Variants in IQCB1 observed in about 807,000 individuals in gnomAD.
The protein encoded by IQCB1 is IQ calmodulin-binding motif-containing protein 1.
Under a neutral mutation model 84.4 loss-of-function variants are expected in IQCB1, and 56 were observed. That is an observed-to-expected ratio of 0.66 (90% CI 0.54 to 0.83). The LOEUF is 0.83. Among genes scored for constraint, IQCB1 ranks in the 40% least tolerant of loss-of-function variants. The probability of loss-of-function intolerance (pLI) is 0.00; values close to 1 mark genes in which losing one functional copy is unlikely to be tolerated. For synonymous variants in IQCB1, 210 were observed against 234.8 expected (o/e 0.89, Z 0.96); for missense variants, 629 against 682.1 (o/e 0.92, Z 0.87).
intron 5 of IQCB1, among the ~76,000 whole-genome samples, chr3:121,811,664 A>T (rs1185593954): frequency 6.6e-6 from 1 of 152,120 alleles, no homozygotes; most frequent in Non-Finnish European, 1.5e-5. Context: ...GGAAGTTTGG[A>T]CTGGGTGGAA....
At chr3:121,791,430 C>G (rs1948965550) in intron 10 of IQCB1, among the ~76,000 whole-genome samples, 1 of 152,182 alleles carries the variant, frequency 6.6e-6, no homozygotes, top group South Asian at 2.1e-4. Context: ...TAAATTTTCT[C>G]TAGCTTTCTA....
chr3:121,771,833 A>G (rs1038774985), intron 14 of IQCB1, among the ~76,000 whole-genome samples: 1 of 152,210 alleles, frequency 6.6e-6, no homozygotes, highest in Non-Finnish European at 1.5e-5. Context: ...GGGATCTCTC[A>G]TTAAATGGAT....
Position 121,799,180 on chromosome 3 carries a change from A to G in IQCB1, c.766+16T>C. 1 of 1,588,318 alleles carries G rather than the reference A, an allele frequency of 6.3e-7. No individual in the cohort carries two copies. Among genetic ancestry groups the G allele is most frequent in the South Asian group, 1.1e-5 (1 of 89,302 alleles). ...CTTTTTGAGAATCCCAAGAAAAGAA[A>G]GAATGAATGTACTACCTTTGTAGCA... On this transcript the variant is annotated intron_variant, in intron 8 of 14. Transcript: ENST00000310864.
chr3:121,828,716 T>A, intron 3 of IQCB1, 84 bp from the exon 4 acceptor site: 1 of 1,084,060 alleles, frequency 9.2e-7, no homozygotes, highest in Non-Finnish European at 1.4e-6. Context: ...GAATAATCAC[T>A]AAAAATATAT....
chr3:121,807,389 C>G lies in IQCB1; in HGVS notation c.542G>C (p.Gly181Ala), dbSNP rs765457236. 6.3e-7 allele frequency: 1 copy of G among 1,583,998 alleles called. No homozygotes were observed. The highest frequency in any genetic ancestry group is 1.1e-5 in the South Asian group (1 of 90,344). ...HLLQADNVQI[G>A]SAVMMMLQNI... is the part of the protein sequence containing the mutation. ...CTGTAGCATCATCATGACTGCAGAT[C>G]CTATTTGGACATTGTCAGCTTGCAG... Residue 181 changes from glycine to alanine, a missense_variant, in exon 7 of 15, where the codon GGA becomes GCA. Transcript: ENST00000310864.
Position 121,799,219 on chromosome 3 carries a change from A to T in IQCB1, c.743T>A (p.Leu248Gln). The change falls in exon 8 of 15, where the codon CTG becomes CAG. Residue 248 changes from leucine to glutamine, a missense_variant. By Grantham distance (113) the Leu-to-Gln change is moderately radical. Coordinates refer to ENST00000310864, the MANE Select transcript of IQCB1 (RefSeq NM_001023570.4). ...AESHQEILIL[L>Q]RQSTCYKGLR... ...ACCTTTGTAGCAGGTACTTTGTCTCAGTAAAATCAAAATTTCCTGATGGGA... is the reference window on the plus strand; with the variant it reads ...ACCTTTGTAGCAGGTACTTTGTCTCTGTAAAATCAAAATTTCCTGATGGGA... 1 of 1,610,194 alleles carries T rather than the reference A, an allele frequency of 6.2e-7. No homozygotes were observed. Among genetic ancestry groups the T allele is most frequent in the South Asian group, 1.1e-5 (1 of 90,916 alleles).
intron 1 of IQCB1, among the ~76,000 whole-genome samples, chr3:121,834,742 T>C (rs1708169519): frequency 6.6e-6 from 1 of 152,226 alleles, no homozygotes; most frequent in African/African-American, 2.4e-5. Flanking sequence ...GCTTTCGCGC[T>C]ACCAGGCCTT....
intron 5 of IQCB1, among the ~76,000 whole-genome samples, chr3:121,822,588 A>G (rs1950315161): frequency 6.6e-6 from 1 of 152,196 alleles, no homozygotes. Flanking sequence ...AATTACCAGC[A>G]ATTTCATCTT....
chr3:121,822,248 A>C (rs1019273714), intron 5 of IQCB1, among the ~76,000 whole-genome samples: 8 of 152,200 alleles, frequency 5.3e-5, no homozygotes, highest in Non-Finnish European at 1.0e-4. Flanking sequence ...AATTCCTTAT[A>C]ATCAAGCACT....
At chr3:121,780,852 C>G (rs143971389) in intron 13 of IQCB1, among the ~76,000 whole-genome samples, 1 of 145,660 alleles carries the variant, frequency 6.9e-6, no homozygotes, top group Non-Finnish European at 1.5e-5. Context: ...GTGTGTGTAT[C>G]TGTGTGTGTG....
At chr3:121,797,952 C>T (rs1030228543) in intron 8 of IQCB1, among the ~76,000 whole-genome samples, 2 of 151,830 alleles carry the variant, frequency 1.3e-5, no homozygotes, top group African/African-American at 2.4e-5. Context: ...CTTTTAATGC[C>T]TTATACTCTC....
At chr3:121,827,774 A>C (rs1378825236) in intron 4 of IQCB1, among the ~76,000 whole-genome samples, 1 of 152,140 alleles carries the variant, frequency 6.6e-6, no homozygotes, top group Non-Finnish European at 1.5e-5. Context: ...CAAATGGCTT[A>C]TTTAGGAAAA....
intron 5 of IQCB1, among the ~76,000 whole-genome samples, chr3:121,813,898 G>C (rs897361553): frequency 1.3e-5 from 2 of 152,102 alleles, no homozygotes; most frequent in Non-Finnish European, 1.5e-5. Context: ...TTCAGGACTC[G>C]AACTCAGCTC....
intron 7 of IQCB1, among the ~76,000 whole-genome samples, chr3:121,806,475 G>T (rs961402277): frequency 2.0e-5 from 3 of 152,028 alleles, no homozygotes; most frequent in African/African-American, 7.2e-5. Context: ...CTCCCTATAT[G>T]GAACTTTATA....
chr3:121,792,661 C>CAAA (rs56685889), intron 10 of IQCB1, among the ~76,000 whole-genome samples: 18 of 76,182 alleles, frequency 2.4e-4, no homozygotes, highest in Non-Finnish European at 3.5e-4. Context: ...GACTCCGTCT[C>CAAA]AAAAAAAAAA....
intron 10 of IQCB1, 50 bp downstream of exon 10, chr3:121,795,407 T>A (rs752439955): frequency 3.2e-6 from 3 of 925,750 alleles, no homozygotes; most frequent in Non-Finnish European, 5.4e-6. Context: ...AATTCAACTG[T>A]ACTCTAGTAA....
chr3:121,803,498 T>C (rs952395674), intron 7 of IQCB1, among the ~76,000 whole-genome samples: 2 of 63,050 alleles, frequency 3.2e-5, no homozygotes, highest in African/African-American at 9.2e-5. Context: ...TGGTTGATAT[T>C]ATTGTTCAAA....
chr3:121,818,348 C>T (rs1233760414), intron 5 of IQCB1, among the ~76,000 whole-genome samples: 2 of 152,086 alleles, frequency 1.3e-5, no homozygotes, highest in Admixed American at 6.5e-5. Flanking sequence ...TTTTGGATTC[C>T]CACTTGCGGG....
chr3:121,819,974 G>C (rs1481191998), intron 5 of IQCB1, among the ~76,000 whole-genome samples: 1 of 152,080 alleles, frequency 6.6e-6, no homozygotes, highest in East Asian at 1.9e-4. Flanking sequence ...ATTTTCATTA[G>C]AAATTCTTGG....
Sources: gnomAD v4.1 joint callset for allele counts (sites outside exome capture counted in the v4.1 genomes callset) on GRCh38, gnomAD v4.1.1 for gene constraint, MANE v1.5 for transcripts, NCBI Gene and HGNC (gene_info 2026-07-23, HGNC 2026-07-21) for gene names.